B3GALT1: variants seen among roughly 807,000 people sequenced by gnomAD.
The protein encoded by B3GALT1 is UDP-Gal:betaGlcNAc beta 1,3-galactosyltransferase, polypeptide 1.
B3GALT1 carries 10 observed loss-of-function variants against 23.2 expected under a neutral mutation model. The ratio of observed to expected loss-of-function variants is 0.43; its 90% CI spans 0.27 to 0.73. B3GALT1 has a LOEUF of 0.73. B3GALT1 is among the 30% of genes least tolerant of loss of function. The pLI is 0.21. For missense variants in B3GALT1, 299 were observed against 405.4 expected (o/e 0.74, Z 2.25); for synonymous variants, 156 against 141.5 (o/e 1.10, Z -0.73).
chr2:167,518,660 A>G (rs1574115317), intron 2 of B3GALT1, among the ~76,000 whole-genome samples: 1 of 152,328 alleles, frequency 6.6e-6, no homozygotes, highest in Non-Finnish European at 1.5e-5. Flanking sequence ...ATGCAAATCC[A>G]GAACCAAGTC....
chr2:167,833,777 T>A (rs1171563047), intron 4 of B3GALT1, among the ~76,000 whole-genome samples: 1 of 152,132 alleles, frequency 6.6e-6, no homozygotes, highest in African/African-American at 2.4e-5. Flanking sequence ...CATGAAAAAA[T>A]GACATCTTTA....
At chr2:167,396,757 C>T (rs1315052588) in intron 1 of B3GALT1, among the ~76,000 whole-genome samples, 1 of 151,786 alleles carries the variant, frequency 6.6e-6, no homozygotes, top group Admixed American at 6.6e-5. Flanking sequence ...CAGGACATGA[C>T]CAAGAAGAGC....
chr2:167,829,952 G>GT (rs1689310909), intron 4 of B3GALT1, among the ~76,000 whole-genome samples: 1 of 152,170 alleles, frequency 6.6e-6, no homozygotes, highest in African/African-American at 2.4e-5. Flanking sequence ...CTGACTACAA[G>GT]TAACCACAGT....
chr2:167,408,798 C>CAAAAAAA (rs1178640940), intron 1 of B3GALT1, among the ~76,000 whole-genome samples: 2 of 10,744 alleles, frequency 1.9e-4, no homozygotes, highest in African/African-American at 4.7e-4. Flanking sequence ...AAGATGTATA[C>CAAAAAAA]AAAAAAAAAA....
chr2:167,715,737 A>G, intron 3 of B3GALT1: 3 of 1,613,086 alleles, frequency 1.9e-6, no homozygotes, highest in Non-Finnish European at 2.5e-6. Flanking sequence ...TCTAAAGATG[A>G]CTGTACTTCA....
intron 3 of B3GALT1, among the ~76,000 whole-genome samples, chr2:167,674,427 T>C (rs570533385): frequency 6.6e-6 from 1 of 152,318 alleles, no homozygotes; most frequent in East Asian, 1.9e-4. Flanking sequence ...GTAAGCAAGA[T>C]ATTAAATAGA....
chr2:167,605,710 T>A (rs2105427675), intron 2 of B3GALT1, among the ~76,000 whole-genome samples: 1 of 152,370 alleles, frequency 6.6e-6, no homozygotes, highest in Non-Finnish European at 1.5e-5. Flanking sequence ...CAGCCATCTT[T>A]ATTTTACTGC....
At chr2:167,483,121 C>T (rs1027860389) in intron 1 of B3GALT1, among the ~76,000 whole-genome samples, 3 of 151,858 alleles carry the variant, frequency 2.0e-5, no homozygotes, top group Non-Finnish European at 4.4e-5. Flanking sequence ...TGGAGAAACC[C>T]CCTCTCTACT....
At chr2:167,502,932 G>A (rs557632577) in intron 2 of B3GALT1, among the ~76,000 whole-genome samples, 114 of 152,146 alleles carry the variant, frequency 7.5e-4, no homozygotes, top group African/African-American at 2.6e-3. Context: ...TCAGCTACTC[G>A]GGAGGCTGAG....
At chr2:167,713,619 C>T in intron 3 of B3GALT1, 2 of 1,083,428 alleles carry the variant, frequency 1.8e-6, no homozygotes, top group Middle Eastern at 2.2e-4. Flanking sequence ...AAAATGAGAT[C>T]AGTCAAAGTT....
intron 1 of B3GALT1, among the ~76,000 whole-genome samples, chr2:167,470,014 A>AT (rs1305625719): frequency 4.6e-5 from 7 of 152,144 alleles, no homozygotes; most frequent in African/African-American, 1.7e-4. Context: ...TTGAACACTC[A>AT]TTTTGTCTCC....
chr2:167,860,962 AC>A (rs1196061149), intron 4 of B3GALT1, among the ~76,000 whole-genome samples: 2 of 152,010 alleles, frequency 1.3e-5, no homozygotes, highest in African/African-American at 4.8e-5. Context: ...AAATTTTTCA[AC>A]CTTTGAAAGT....
At chr2:167,784,530 T>C (rs1191220386) in intron 3 of B3GALT1, among the ~76,000 whole-genome samples, 1 of 152,222 alleles carries the variant, frequency 6.6e-6, no homozygotes, top group African/African-American at 2.4e-5. Context: ...TGGGGAATTG[T>C]CTAAAGAAAA....
intron 3 of B3GALT1, among the ~76,000 whole-genome samples, chr2:167,696,084 A>G (rs1348536917): frequency 2.6e-5 from 4 of 152,142 alleles, no homozygotes; most frequent in African/African-American, 9.7e-5. Flanking sequence ...TGAGGATTCT[A>G]TTCCTAAAGA....
At chr2:167,524,973 C>T (rs1220055555) in intron 2 of B3GALT1, among the ~76,000 whole-genome samples, 12 of 152,292 alleles carry the variant, frequency 7.9e-5, no homozygotes, top group African/African-American at 2.2e-4. Flanking sequence ...ATATGCAGCA[C>T]AAATTGCCTA....
chr2:167,694,226 G>T (rs1277744594), intron 3 of B3GALT1, among the ~76,000 whole-genome samples: 1 of 152,064 alleles, frequency 6.6e-6, no homozygotes, highest in Non-Finnish European at 1.5e-5. Context: ...TTTATTGCAG[G>T]CATAATTCTC....
intron 3 of B3GALT1, among the ~76,000 whole-genome samples, chr2:167,766,238 A>T (rs1188274410): frequency 6.6e-6 from 1 of 152,218 alleles, no homozygotes; most frequent in Admixed American, 6.5e-5. Context: ...GAGGATCATG[A>T]AAAATTCAGT....
rs1685395536 is a variant in B3GALT1, at chr2:167,629,111, A to G, written c.-409-17798A>G. On this transcript the variant is annotated intron_variant, in intron 2 of 4. Coordinates refer to ENST00000392690, the MANE Select transcript of B3GALT1 (RefSeq NM_020981.4). Reference sequence around the variant, plus strand: ...GGACGGATTGGAGCAGAGGTATGTAATGATTCCTTAGACAGGCAAAATGGC... The same window carrying G: ...GGACGGATTGGAGCAGAGGTATGTAGTGATTCCTTAGACAGGCAAAATGGC... Among the ~76,000 whole-genome samples the G allele has an allele frequency of 1.3e-5, 2 of 151,684 alleles. 1 individual carries two copies. The highest frequency in any genetic ancestry group is 1.3e-4 in the Admixed American group (2 of 15,174).
At chr2:167,393,882 G>A (rs184228646) in intron 1 of B3GALT1, among the ~76,000 whole-genome samples, 86 of 152,212 alleles carry the variant, frequency 5.7e-4, no homozygotes, top group Non-Finnish European at 1.2e-3. Flanking sequence ...CATGGAGCAA[G>A]CAATATTGTC....
Sources: allele counts gnomAD v4.1 joint callset (sites outside exome capture counted in the v4.1 genomes callset), GRCh38; gene constraint gnomAD v4.1.1; transcripts MANE v1.5; gene names NCBI Gene and HGNC (gene_info 2026-07-23, HGNC 2026-07-21).